Variants in DCDC1 observed in about 807,000 individuals in gnomAD.
The protein encoded by DCDC1 is doublecortin domain containing 1, also known as doublecortin domain-containing protein 1.
Under a neutral mutation model 178.3 loss-of-function variants are expected in DCDC1, and 200 were observed. That is an observed-to-expected ratio of 1.12 (90% CI 1.00 to 1.26). The LOEUF (loss-of-function observed/expected upper bound fraction) is 1.26. Among genes scored for constraint, DCDC1 ranks in the 50% most tolerant of loss-of-function variants. The probability of loss-of-function intolerance (pLI) is 0.00; values close to 1 mark genes in which losing one functional copy is unlikely to be tolerated. For missense variants in DCDC1, 1,983 were observed against 1,749.2 expected, an observed-to-expected ratio of 1.13 and a Z score of -2.38; for synonymous variants, 690 against 604.8, an observed-to-expected ratio of 1.14 and a Z score of -2.07.
intron 28 of DCDC1, among the ~76,000 whole-genome samples, chr11:30,909,615 T>C (rs1221921261): frequency 6.6e-6 from 1 of 152,124 alleles, no homozygotes; most frequent in Non-Finnish European, 1.5e-5. Flanking sequence ...TCTAGAGAAA[T>C]TATTTTACCT....
rs537835120 is a variant in DCDC1 at position 31,284,066 on chromosome 11, C to T, written c.960+6581G>A. Among the ~76,000 whole-genome samples, 8 of 152,092 alleles carry T rather than the reference C, an allele frequency of 5.3e-5. No individual in the cohort carries two copies. The East Asian group carries it at 1.6e-3, about 30-fold the overall frequency. ...AGGACTCACTTCAACTTTTCCCCTT[C>T]TCTTAGGCATTACAGCTGATGCTTC... On this transcript the variant is annotated intron_variant, in intron 7 of 38. Coordinates refer to ENST00000684477, the MANE Select transcript of DCDC1 (RefSeq NM_001387274.1).
intron 20 of DCDC1, among the ~76,000 whole-genome samples, chr11:31,024,336 C>T (rs910524914): frequency 2.6e-5 from 4 of 151,938 alleles, no homozygotes; most frequent in African/African-American, 4.8e-5. Flanking sequence ...TACTAAGCAA[C>T]GATTATCTAC....
chr11:30,873,928 C>A (rs1941879979), intron 38 of DCDC1, among the ~76,000 whole-genome samples: 1 of 152,128 alleles, frequency 6.6e-6, no homozygotes, highest in Non-Finnish European at 1.5e-5. Flanking sequence ...AGCTTCAGCA[C>A]CTCAAACTCA....
chr11:31,199,718 T>C (rs1050315063), intron 9 of DCDC1, among the ~76,000 whole-genome samples: 11 of 152,072 alleles, frequency 7.2e-5, no homozygotes, highest in African/African-American at 2.4e-4. Flanking sequence ...GAATTCCTAG[T>C]GTACAAGTGA....
intron 9 of DCDC1, among the ~76,000 whole-genome samples, chr11:31,230,952 T>G (rs1453458881): frequency 6.6e-6 from 1 of 152,062 alleles, no homozygotes. Context: ...CAGGAAGTTA[T>G]GAAATTTTTT....
In DCDC1 at chr11:30,865,206, T is replaced by C. The variant is rs1245681683; in HGVS notation, c.*167A>G. The C allele has an allele frequency of 6.6e-6, 1 of 152,198 alleles. No homozygotes were observed. The highest frequency in any genetic ancestry group is 2.1e-4 in the South Asian group (1 of 4,838). The allele number at this position is 152,198 out of a possible 1,614,324, so 9.4% of individuals were successfully genotyped here. ...TGAAGGATAAATTTTACGACTAATT[T>C]TTTTTAATAAACTATGCAGGATTGT... On this transcript the variant is annotated 3_prime_UTR_variant, in exon 39 of 39. Coordinates refer to ENST00000684477, the MANE Select transcript of DCDC1 (RefSeq NM_001387274.1).
intron 36 of DCDC1, chr11:30,883,639 C>A: frequency 4.7e-6 from 1 of 212,962 alleles, no homozygotes; most frequent in South Asian, 5.8e-5. Flanking sequence ...TTCTGTAACA[C>A]TGAATACCAA....
intron 9 of DCDC1, among the ~76,000 whole-genome samples, chr11:31,151,618 G>A (rs1283622534): frequency 6.6e-6 from 1 of 152,124 alleles, no homozygotes; most frequent in African/African-American, 2.4e-5. Context: ...ACTCAGAGGT[G>A]CTGTTAACAG....
chr11:30,971,599 CTTTGTTTTT>C (rs1949786852), intron 20 of DCDC1, among the ~76,000 whole-genome samples: 3 of 138,484 alleles, frequency 2.2e-5, no homozygotes, highest in Non-Finnish European at 3.0e-5. Context: ...AAAAACAGGC[CTTTGTTTTT>C]TTTTTTTTTT....
At chr11:31,312,718 CCT>C (rs1313175652) in intron 3 of DCDC1, 1 of 152,258 alleles carries the variant, frequency 6.6e-6, no homozygotes, top group Non-Finnish European at 1.5e-5. Flanking sequence ...CAGCAATGGC[CCT>C]CTGTCTCTCA....
intron 9 of DCDC1, among the ~76,000 whole-genome samples, chr11:31,205,224 A>T (rs1231129386): frequency 1.3e-5 from 2 of 152,146 alleles, no homozygotes; most frequent in Non-Finnish European, 1.5e-5. Context: ...GTATAAATAA[A>T]GTTTTATTTA....
At chr11:31,297,367 T>C (rs1216762994) in intron 6 of DCDC1, among the ~76,000 whole-genome samples, 1 of 151,644 alleles carries the variant, frequency 6.6e-6, no homozygotes, top group Non-Finnish European at 1.5e-5. Context: ...ATTTTTTTTT[T>C]AATTTTTTTT....
chr11:30,900,433 C>A lies in DCDC1; in HGVS notation c.4576G>T (p.Gly1526Cys). 1 of 1,572,194 alleles carries A rather than the reference C, an allele frequency of 6.4e-7. No homozygotes were observed. Among genetic ancestry groups the A allele is most frequent in the Admixed American group, 1.8e-5 (1 of 55,012 alleles). The part of the protein sequence containing the change: ...AKSVTSDSLD[G>C]IDKSLLTLIL... ...AGGGTAAGCAAAGACTTGTCTATAC[C>A]ATCCAAACTATCGGATGTCACAGAT... The change falls in exon 33 of 39, where the codon GGT becomes TGT. Residue 1526 changes from glycine to cysteine, a missense_variant. Coordinates refer to ENST00000684477, the MANE Select transcript of DCDC1 (RefSeq NM_001387274.1).
chr11:31,358,528 G>T (rs1006438566), intron 1 of DCDC1, among the ~76,000 whole-genome samples: 1 of 151,542 alleles, frequency 6.6e-6, no homozygotes, highest in East Asian at 1.9e-4. Context: ...ATAGGCATGG[G>T]CAAGGACTTC....
Position 30,865,008 on chromosome 11 carries a change from G to C in DCDC1, c.*365C>G. On this transcript the variant is annotated 3_prime_UTR_variant, in exon 39 of 39. Transcript: ENST00000684477. Reference sequence around the variant, plus strand: ...GAGGCCTCCACTTTTTATTTCAGTTGTACTCATCTGTCCCACTGTGCAAAT... The same window carrying C: ...GAGGCCTCCACTTTTTATTTCAGTTCTACTCATCTGTCCCACTGTGCAAAT... 1 of 151,680 alleles carries C rather than the reference G, an allele frequency of 6.6e-6. No individual in the cohort carries two copies. The highest frequency in any genetic ancestry group is 1.9e-4 in the East Asian group (1 of 5,176). 9.4% of individuals were successfully genotyped at this position (151,680 alleles called of 1,614,324 possible).
intron 20 of DCDC1, among the ~76,000 whole-genome samples, chr11:31,005,952 GAAAAAAAAAAAAAAA>G (rs35225668): frequency 8.4e-5 from 4 of 47,814 alleles, no homozygotes; most frequent in Non-Finnish European, 1.6e-4. Flanking sequence ...TCTTATTCCT[GAAAAAAAAAAAAAAA>G]AAAAAAAAAA....
chr11:31,346,505 A>C (rs887095422), intron 1 of DCDC1, among the ~76,000 whole-genome samples: 3 of 152,000 alleles, frequency 2.0e-5, no homozygotes, highest in Non-Finnish European at 4.4e-5. Flanking sequence ...ATTTCAACTA[A>C]ATGCAATGCA....
chr11:31,184,067 T>C (rs1186595805), intron 9 of DCDC1, among the ~76,000 whole-genome samples: 1 of 152,148 alleles, frequency 6.6e-6, no homozygotes, highest in African/African-American at 2.4e-5. Flanking sequence ...CAAAGCAGCA[T>C]TGTACTGGTA....
At position 30,894,322 on chromosome 11, in the gene DCDC1, C is replaced by T. The variant is rs376659024; in HGVS notation, c.4828G>A (p.Val1610Met). 1.2e-5 allele frequency: 19 copies of T among 1,613,776 alleles called. No individual in the cohort carries two copies. The highest frequency in any genetic ancestry group is 2.7e-5 in the African/African-American group (2 of 74,908). ...TCGGTCCAGCCTCCTTCAACCACCA[C>T]GGGCTGCACAGGGCTCTTGGTAGGA... ...MVPTKSPVQP[V>M]VVEGGWTEQT... The change falls in exon 35 of 39, where the codon GTG becomes ATG. Residue 1610 changes from valine (V) to methionine (M), a missense_variant. Physicochemically the swap from Val to Met is conservative, Grantham distance 21. Coordinates refer to ENST00000684477, the MANE Select transcript of DCDC1 (RefSeq NM_001387274.1).
Sources: gnomAD v4.1 joint callset for allele counts (sites outside exome capture counted in the v4.1 genomes callset) on GRCh38, gnomAD v4.1.1 for gene constraint, MANE v1.5 for transcripts, NCBI Gene and HGNC (gene_info 2026-07-23, HGNC 2026-07-21) for gene names.